SLC44A5: variants seen among roughly 807,000 people sequenced by gnomAD.
The protein encoded by SLC44A5 is solute carrier family 44 member 5, also known as choline transporter-like protein 5.
Under a neutral mutation model 101.8 loss-of-function variants are expected in SLC44A5, and 57 were observed. The observed-to-expected ratio is 0.56, with a 90% confidence interval of 0.45 to 0.70. SLC44A5 has a LOEUF of 0.70. Ranked by LOEUF, SLC44A5 falls within the 30% of genes least tolerant of loss-of-function variation. The pLI is 0.00. For missense variants in SLC44A5, 737 were observed against 853.1 expected (o/e 0.86, Z 1.70); for synonymous variants, 281 against 290.9 (o/e 0.97, Z 0.35).
intron 2 of SLC44A5, among the ~76,000 whole-genome samples, chr1:75,449,577 C>T (rs1439259655): frequency 1.3e-5 from 2 of 152,126 alleles, no homozygotes; most frequent in East Asian, 3.9e-4. Context: ...TAACTATTTT[C>T]TTCAATTGAA....
At chr1:75,600,773 C>A (rs1674928195) in intron 1 of SLC44A5, among the ~76,000 whole-genome samples, 1 of 151,930 alleles carries the variant, frequency 6.6e-6, no homozygotes, top group African/African-American at 2.4e-5. Flanking sequence ...AGATATATAG[C>A]CTAGGAGTGG....
chr1:75,622,587 C>T, the SLC44A5 span, among the ~76,000 whole-genome samples: 1 of 152,214 alleles, frequency 6.6e-6, no homozygotes, highest in East Asian at 1.9e-4. Context: ...CCAGAAATTT[C>T]ACCAAGAGAA....
At chr1:75,672,702 T>C in the SLC44A5 span, among the ~76,000 whole-genome samples, 2 of 152,124 alleles carry the variant, frequency 1.3e-5, no homozygotes, top group Admixed American at 6.5e-5. Context: ...TCCTTTTCTC[T>C]GCTTGAGAAG....
At chr1:75,321,163 A>C (rs1305847459) in intron 4 of SLC44A5, among the ~76,000 whole-genome samples, 5 of 152,188 alleles carry the variant, frequency 3.3e-5, no homozygotes, top group African/African-American at 1.2e-4. Context: ...TTATGAGAGA[A>C]AGGTTACTTG....
At chr1:75,257,520 C>G (rs909107962) in intron 6 of SLC44A5, among the ~76,000 whole-genome samples, 5 of 152,174 alleles carry the variant, frequency 3.3e-5, no homozygotes, top group African/African-American at 1.2e-4. Flanking sequence ...CCAGGATCAG[C>G]TGGGAACCTA....
intron 11 of SLC44A5, among the ~76,000 whole-genome samples, chr1:75,235,327 T>A (rs1265828185): frequency 6.6e-6 from 1 of 151,864 alleles, no homozygotes; most frequent in Non-Finnish European, 1.5e-5. Flanking sequence ...GAATTGAAAA[T>A]AAAGGGAGAT....
chr1:75,385,413 G>A (rs1167343846), intron 3 of SLC44A5, among the ~76,000 whole-genome samples: 2 of 152,060 alleles, frequency 1.3e-5, no homozygotes, highest in African/African-American at 2.4e-5. Context: ...ACTACCATCA[G>A]AGAATACTAC....
intron 1 of SLC44A5, among the ~76,000 whole-genome samples, chr1:75,582,825 T>C (rs4596832): frequency 0.045 from 6,902 of 152,272 alleles, 530 homozygotes; most frequent in African/African-American, 0.16. Flanking sequence ...TCCTCTCCCA[T>C]CATTTCCTTT....
the SLC44A5 span, among the ~76,000 whole-genome samples, chr1:75,643,667 C>T: frequency 1.3e-5 from 2 of 152,206 alleles, no homozygotes; most frequent in African/African-American, 4.8e-5. Context: ...AAATAAGTCT[C>T]ACAAGATCCC....
intron 12 of SLC44A5, among the ~76,000 whole-genome samples, chr1:75,230,581 T>G (rs1647462085): frequency 6.6e-6 from 1 of 152,000 alleles, no homozygotes; most frequent in Non-Finnish European, 1.5e-5. Flanking sequence ...AAACCTTTCA[T>G]GCATGGTTAT....
intron 2 of SLC44A5, among the ~76,000 whole-genome samples, chr1:75,523,203 T>G (rs550273884): frequency 4.2e-4 from 64 of 152,308 alleles, no homozygotes; most frequent in African/African-American, 1.4e-3. Flanking sequence ...CAATGACTAG[T>G]GCATGAGAGT....
intron 3 of SLC44A5, among the ~76,000 whole-genome samples, chr1:75,376,516 A>T (rs187103414): frequency 0.011 from 1,662 of 152,260 alleles, 33 homozygotes; most frequent in African/African-American, 0.036. Flanking sequence ...CCTCCTCAAG[A>T]GGGTCCCTAA....
At chr1:75,408,123 C>T (rs192288580) in intron 2 of SLC44A5, among the ~76,000 whole-genome samples, 6 of 152,158 alleles carry the variant, frequency 3.9e-5, no homozygotes, top group African/African-American at 7.2e-5. Flanking sequence ...AGCTCATTGT[C>T]GCTGGTCATT....
chr1:75,576,371 A>G (rs146863910), intron 1 of SLC44A5, among the ~76,000 whole-genome samples: 5,350 of 151,068 alleles, frequency 0.035, 129 homozygotes, highest in East Asian at 0.1. Flanking sequence ...CTGGAGTGCA[A>G]TGGCGCGATC....
rs1365158738 is a variant in SLC44A5 at position 75,202,814 on chromosome 1, A to G, written c.*913T>C. 1 of 152,180 alleles carries G rather than the reference A, an allele frequency of 6.6e-6. No individual in the cohort carries two copies. Among genetic ancestry groups the G allele is most frequent in the Non-Finnish European group, 1.5e-5 (1 of 68,024 alleles). 9.4% of individuals were successfully genotyped at this position (152,180 alleles called of 1,614,324 possible). A position where few individuals can be genotyped will look rare whatever the true frequency, so the allele number is the denominator to read the frequency against. On this transcript the variant is annotated 3_prime_UTR_variant, in exon 24 of 24. Transcript: ENST00000370859. ...CAGTATTATACCTATTGTATTTTCA[A>G]AGATCTACTATAGAAAACATTTCAT... is the stretch of plus-strand genomic sequence containing the variant.
At chr1:75,491,815 A>T (rs1484122183) in intron 2 of SLC44A5, among the ~76,000 whole-genome samples, 2 of 152,152 alleles carry the variant, frequency 1.3e-5, no homozygotes, top group African/African-American at 4.8e-5. Flanking sequence ...GTGTGGGAAC[A>T]TCAGTTGCTT....
At chr1:75,616,708 G>A in the SLC44A5 span, among the ~76,000 whole-genome samples, 1 of 152,220 alleles carries the variant, frequency 6.6e-6, no homozygotes, top group Non-Finnish European at 1.5e-5. Flanking sequence ...AGGGAAACAG[G>A]AGTCTGATGG....
chr1:75,289,552 T>C (rs913604222), intron 5 of SLC44A5, among the ~76,000 whole-genome samples: 3 of 152,050 alleles, frequency 2.0e-5, no homozygotes, highest in African/African-American at 7.3e-5. Context: ...GTCATAAAGC[T>C]CAAGAAAGTT....
chr1:75,621,512 A>G, the SLC44A5 span, among the ~76,000 whole-genome samples: 1 of 152,194 alleles, frequency 6.6e-6, no homozygotes, highest in Non-Finnish European at 1.5e-5. Context: ...AATGTATGTT[A>G]GTGCAATTGC....
Sources: gnomAD v4.1 joint callset for allele counts (sites outside exome capture counted in the v4.1 genomes callset) on GRCh38, gnomAD v4.1.1 for gene constraint, MANE v1.5 for transcripts, NCBI Gene and HGNC (gene_info 2026-07-23, HGNC 2026-07-21) for gene names.